The following COL8A2 variants were observed in gnomAD, a reference collection of about 807,000 sequenced individuals.
COL8A2 encodes the protein collagen type VIII alpha 2 chain.
A neutral mutation model predicts 24.0 loss-of-function variants in COL8A2; 16 were observed. The ratio of observed to expected loss-of-function variants is 0.67; its 90% CI spans 0.45 to 1.01. The LOEUF is 1.01. Ranked by LOEUF, COL8A2 falls within the 50% of genes least tolerant of loss-of-function variation. The pLI is 0.00. For missense variants in COL8A2, 818 were observed against 942.4 expected (o/e 0.87, Z 1.73); for synonymous variants, 466 against 424.5 (o/e 1.10, Z -1.20).
At chr1:36,108,939 T>C (rs1192560704) in intron 2 of COL8A2, among the ~76,000 whole-genome samples, 1 of 152,118 alleles carries the variant, frequency 6.6e-6, no homozygotes, top group East Asian at 1.9e-4. Flanking sequence ...TCCCATCCCA[T>C]TTCACAGGTG....
At chr1:36,105,140 G>A (rs1444493940) in intron 2 of COL8A2, among the ~76,000 whole-genome samples, 1 of 152,128 alleles carries the variant, frequency 6.6e-6, no homozygotes, top group Non-Finnish European at 1.5e-5. Flanking sequence ...TCCAAGCTTA[G>A]GATCACATGG....
rs1456324978 is a variant in COL8A2 at position 36,115,154 on chromosome 1, G to C, written c.-17+554C>G. ...GGGCCGTCGCTTGCCTCCCAGCAGA[G>C]GCCTTGAGCTTCTGATGGGAACTGG... On this transcript the variant is annotated intron_variant, in intron 2 of 3. Transcript: ENST00000397799. The surrounding 1 kb of genome is among the most constrained non-coding windows in gnomAD (Gnocchi z 5.7). Among the ~76,000 whole-genome samples, 1 of 152,148 alleles carries C rather than the reference G, an allele frequency of 6.6e-6. No homozygotes were observed. The highest frequency in any genetic ancestry group is 1.5e-5 in the Non-Finnish European group (1 of 68,018).
In COL8A2 at chr1:36,125,061, G is replaced by A. The variant is rs1557751399; in HGVS notation, c.-66C>T. 1.0e-6 allele frequency: 1 copy of A among 980,716 alleles called. No individual in the cohort carries two copies. Among genetic ancestry groups the A allele is most frequent in the South Asian group, 4.7e-5 (1 of 21,232 alleles). The allele number at this position is 980,716 out of a possible 1,614,324, so 60.8% of individuals were successfully genotyped here. A position where few individuals can be genotyped will look rare whatever the true frequency, so the allele number is the denominator to read the frequency against. On this transcript the variant is annotated 5_prime_UTR_variant, in exon 1 of 4. Transcript: ENST00000397799. This position sits in a 1 kb window ranked among gnomAD's most constrained non-coding sequence, Gnocchi z 4.5. ...TGCCCGCCTCCTGGCCTTTACCTGC[G>A]GGCGCGGCCGCCGGGCGCCGCTCCC...
intron 2 of COL8A2, among the ~76,000 whole-genome samples, chr1:36,105,033 A>T (rs1423402346): frequency 6.6e-6 from 1 of 151,988 alleles, no homozygotes; most frequent in Non-Finnish European, 1.5e-5. Context: ...CCTGGCAACA[A>T]GTGGAGTTTG....
chr1:36,099,133 G>T lies in COL8A2; in HGVS notation c.548C>A (p.Pro183His). ...CCCTGGTTCCCCCTGGAATCCTGGG[G>T]GCCCTGGCACCCCTTGGGCACCTGG... Reference protein sequence around the residue: ...GKPGAQGVPGPPGFQGEPGPQ... With the variant: ...GKPGAQGVPGHPGFQGEPGPQ... The change falls in exon 4 of 4, where the codon CCC becomes CAC. Residue 183 changes from proline (P) to histidine (H), a missense_variant. Physicochemically the swap from Pro to His is moderately conservative, Grantham distance 77. This residue lies in a region of COL8A2 where 573 missense variants were observed against 616.8 expected (regional missense o/e 0.93). Transcript: ENST00000397799. 6.6e-7 allele frequency: 1 copy of T among 1,506,152 alleles called. No individual in the cohort carries two copies. Among genetic ancestry groups the T allele is most frequent in the East Asian group, 2.3e-5 (1 of 42,786 alleles). 93.3% of individuals were successfully genotyped at this position (1,506,152 alleles called of 1,614,324 possible).
intron 2 of COL8A2, among the ~76,000 whole-genome samples, chr1:36,103,575 T>C (rs1183577037): frequency 1.3e-5 from 2 of 151,834 alleles, no homozygotes; most frequent in Non-Finnish European, 2.9e-5. Flanking sequence ...TCTGTGTTTT[T>C]GTTTTTTGTT....
At chr1:36,103,785 T>C (rs1195351375) in intron 2 of COL8A2, among the ~76,000 whole-genome samples, 3 of 151,928 alleles carry the variant, frequency 2.0e-5, no homozygotes, top group African/African-American at 7.2e-5. Context: ...GGGTTCACCA[T>C]GTAGGCCAGG....
Position 36,115,037 on chromosome 1 carries a change from C to T in COL8A2, c.-17+671G>A, listed in dbSNP as rs140241806. 5.9e-4 allele frequency among the ~76,000 whole-genome samples: 90 copies of T among 152,216 alleles called. No homozygotes were observed. The highest frequency in any genetic ancestry group is 2.1e-3 in the African/African-American group (86 of 41,538). ...AGGGGCAGATGGACTAGAAAAGGCC[C>T]GGCAGTGGGCAGACCTGAGGGCAGC... is the stretch of plus-strand genomic sequence containing the variant. On this transcript the variant is annotated intron_variant, in intron 2 of 3. Transcript: ENST00000397799. This position sits in a 1 kb window ranked among gnomAD's most constrained non-coding sequence, Gnocchi z 5.7.
chr1:36,117,521 TA>T (rs1643885322), intron 1 of COL8A2, among the ~76,000 whole-genome samples: 1 of 152,026 alleles, frequency 6.6e-6, no homozygotes, highest in Non-Finnish European at 1.5e-5. Context: ...CCAAATAAAA[TA>T]GACAAACACA....
rs773972659 is a variant in COL8A2 at position 36,099,002 on chromosome 1, G to C, written c.679C>G (p.Pro227Ala). 1.9e-5 allele frequency: 30 copies of C among 1,588,946 alleles called. No homozygotes were observed. The East Asian group carries it at 6.8e-4, about 36-fold the overall frequency. The change falls in exon 4 of 4, where the codon CCC becomes GCC. Residue 227 changes from proline (P) to alanine (A), a missense_variant. This residue lies in a region of COL8A2 where 573 missense variants were observed against 616.8 expected (regional missense o/e 0.93). Transcript: ENST00000397799. ...GAPGQGGAPG[P>A]PGLPGPAGLG... is the part of the protein sequence containing the mutation. ...CCAGCTGGACCAGGGAGGCCGGGGG[G>C]GCCGGGGGCACCCCCCTGCCCTGGG... is the stretch of plus-strand genomic sequence containing the variant.
In COL8A2 at chr1:36,115,161, A is replaced by G. The variant is rs987816354; in HGVS notation, c.-17+547T>C. ...CGCTTGCCTCCCAGCAGAGGCCTTG[A>G]GCTTCTGATGGGAACTGGACATCCG... On this transcript the variant is annotated intron_variant, in intron 2 of 3. Transcript: ENST00000397799. The surrounding 1 kb of genome is among the most constrained non-coding windows in gnomAD (Gnocchi z 5.7). Among the ~76,000 whole-genome samples the G allele has an allele frequency of 6.6e-6, 1 of 152,016 alleles. No homozygotes were observed. The highest frequency in any genetic ancestry group is 2.4e-5 in the African/African-American group (1 of 41,388).
rs80358192 is a variant in COL8A2 at position 36,098,332 on chromosome 1, A to C, written c.1349T>G (p.Leu450Trp). 4 of 1,549,910 alleles carry C rather than the reference A, an allele frequency of 2.6e-6. No individual in the cohort carries two copies. Among genetic ancestry groups the C allele is most frequent in the Non-Finnish European group, 3.5e-6 (4 of 1,147,400 alleles). The change falls in exon 4 of 4, where the codon TTG (leucine) becomes TGG (tryptophan). Residue 450 changes from leucine (L) to tryptophan (W), a missense_variant. Physicochemically the swap from Leu to Trp is moderately conservative, Grantham distance 61. Transcript: ENST00000397799. ...VAGALGQKGD[L>W]GLPGQPGLRG... ...CAGGCCAGGCTGCCCAGGGAGCCCC[A>C]AGTCACCTTTCTGCCCCAGGGCTCC...
At position 36,102,914 on chromosome 1, in the gene COL8A2, C is replaced by T. The variant is rs189835912; in HGVS notation, c.-16-2656G>A. On this transcript the variant is annotated intron_variant, in intron 2 of 3. Coordinates refer to ENST00000397799, the MANE Select transcript of COL8A2 (RefSeq NM_005202.4). ...TCTTGAACTCCTGACCTCTAGCGATCCGCCTGCCTCAGCCTCCCAAAGAGC... is the reference window on the plus strand; with the variant it reads ...TCTTGAACTCCTGACCTCTAGCGATTCGCCTGCCTCAGCCTCCCAAAGAGC... Among the ~76,000 whole-genome samples the T allele has an allele frequency of 5.3e-5, 8 of 152,220 alleles. No individual in the cohort carries two copies. In the East Asian group the frequency reaches 1.5e-3, roughly 29 times the overall value.
chr1:36,112,845 A>T (rs1643861847), intron 2 of COL8A2, among the ~76,000 whole-genome samples: 1 of 152,074 alleles, frequency 6.6e-6, no homozygotes, highest in Non-Finnish European at 1.5e-5. Context: ...AGGGGCCAAC[A>T]TCTGCCTCTC....
chr1:36,103,653 A>G (rs1260061191), intron 2 of COL8A2, among the ~76,000 whole-genome samples: 2 of 149,590 alleles, frequency 1.3e-5, no homozygotes, highest in Non-Finnish European at 3.0e-5. Context: ...GCACAATCTC[A>G]GCTCACTGCA....
rs529102057 is a variant in COL8A2 at position 36,115,485 on chromosome 1, G to T, written c.-17+223C>A. On this transcript the variant is annotated intron_variant, in intron 2 of 3. Transcript: ENST00000397799. This position sits in a 1 kb window ranked among gnomAD's most constrained non-coding sequence, Gnocchi z 5.7. ...ACACGGCCCCGCCAAGGAGCCAGGC[G>T]AAATAGTTCACAAATGAGAAAAAGC... 6.6e-6 allele frequency among the ~76,000 whole-genome samples: 1 copy of T among 152,166 alleles called. No individual in the cohort carries two copies. The highest frequency in any genetic ancestry group is 1.5e-5 in the Non-Finnish European group (1 of 68,024).
intron 2 of COL8A2, among the ~76,000 whole-genome samples, chr1:36,103,006 C>T (rs545262505): frequency 6.6e-6 from 1 of 152,070 alleles, no homozygotes; most frequent in East Asian, 1.9e-4. Context: ...TTTGGATACA[C>T]AGTGTCACTC....
rs889761370 is a variant in COL8A2 at position 36,123,774 on chromosome 1, A to G, written c.-62+1283T>C. Among the ~76,000 whole-genome samples the G allele has an allele frequency of 6.6e-6, 1 of 152,000 alleles. No individual in the cohort carries two copies. The highest frequency in any genetic ancestry group is 1.5e-5 in the Non-Finnish European group (1 of 68,002). ...GTGCAAGGCTGTGTGTGGCTGGGTG[A>G]GCATGTCTGTGGTTTCTCCTCATTA... On this transcript the variant is annotated intron_variant, in intron 1 of 3. Coordinates refer to ENST00000397799, the MANE Select transcript of COL8A2 (RefSeq NM_005202.4). The surrounding 1 kb of genome is among the most constrained non-coding windows in gnomAD (Gnocchi z 4.1).
At chr1:36,102,022 A>G (rs1643684961) in intron 2 of COL8A2, among the ~76,000 whole-genome samples, 1 of 151,982 alleles carries the variant, frequency 6.6e-6, no homozygotes, top group South Asian at 2.1e-4. Context: ...CTACAAAACA[A>G]ACAAACAAAA....
Sources: gnomAD v4.1 joint callset for allele counts (sites outside exome capture counted in the v4.1 genomes callset) on GRCh38, gnomAD v4.1.1 for gene constraint, gnomAD v4.1.1 regional missense constraint, Gnocchi (gnomAD v3.1) non-coding constraint, MANE v1.5 for transcripts, NCBI Gene and HGNC (gene_info 2026-07-23, HGNC 2026-07-21) for gene names.